CSMD1: variants seen among roughly 807,000 people sequenced by gnomAD.
The protein encoded by CSMD1 is CUB and sushi domain-containing protein 1.
CSMD1 carries 213 observed loss-of-function variants against 417.5 expected under a neutral mutation model. The observed-to-expected ratio is 0.51, with a 90% CI of 0.46 to 0.57. CSMD1 has a LOEUF of 0.57. Among genes scored for constraint, CSMD1 ranks in the 20% least tolerant of loss-of-function variants. The pLI, the probability that CSMD1 is intolerant of heterozygous loss-of-function variation, is 0.00. For missense variants in CSMD1, 6,923 were observed against 4,529.7 expected, an observed-to-expected ratio of 1.53 and a Z score of -15.17; for synonymous variants, 2,862 against 1,736.8, an observed-to-expected ratio of 1.65 and a Z score of -16.11.
intron 3 of CSMD1, among the ~76,000 whole-genome samples, chr8:4,114,565 G>GCGTGT (rs1554454288): frequency 6.6e-6 from 1 of 152,082 alleles, no homozygotes; most frequent in East Asian, 1.9e-4. Flanking sequence ...CTTAATAAAT[G>GCGTGT]CATAAGTCTA....
chr8:2,961,712 G>A (rs765495183), intron 61 of CSMD1, among the ~76,000 whole-genome samples: 122 of 152,264 alleles, frequency 8.0e-4, no homozygotes, highest in African/African-American at 2.7e-3. Context: ...AAAAAACACA[G>A]GACTTGGGTA....
intron 49 of CSMD1, among the ~76,000 whole-genome samples, chr8:3,074,017 G>C (rs1044819838): frequency 4.6e-5 from 7 of 152,212 alleles, no homozygotes; most frequent in African/African-American, 1.7e-4. Flanking sequence ...TACGGGCGTG[G>C]CCTCACCCTG....
In CSMD1 at chr8:3,902,537, G is replaced by A. The variant is rs80346665; in HGVS notation, c.818+95366C>T. Among the ~76,000 whole-genome samples, 1,075 of 152,120 alleles carry A rather than the reference G, an allele frequency of 7.1e-3. 15 individuals are homozygous for A. The highest frequency in any genetic ancestry group is 0.025 in the African/African-American group (1,024 of 41,486). On this transcript the variant is annotated intron_variant, in intron 5 of 69. Coordinates refer to ENST00000635120, the MANE Select transcript of CSMD1 (RefSeq NM_033225.6). ...ATCATCAGCCATTAGATTCTCACAAGGAGCTCACAACCTACATCCATTGCA... is the reference window on the plus strand; with the variant it reads ...ATCATCAGCCATTAGATTCTCACAAAGAGCTCACAACCTACATCCATTGCA...
chr8:4,675,634 G>A (rs902121064), intron 1 of CSMD1, among the ~76,000 whole-genome samples: 1 of 152,112 alleles, frequency 6.6e-6, no homozygotes, highest in Admixed American at 6.5e-5. Context: ...CATAAAAAAA[G>A]TAAGCAGGAT....
At chr8:3,072,350 G>A (rs534449125) in intron 49 of CSMD1, among the ~76,000 whole-genome samples, 1 of 152,166 alleles carries the variant, frequency 6.6e-6, no homozygotes, top group Non-Finnish European at 1.5e-5. Context: ...AATCAACAAT[G>A]AAGATTTTAA....
At chr8:3,062,959 A>G (rs1020874411) in intron 49 of CSMD1, among the ~76,000 whole-genome samples, 3 of 152,216 alleles carry the variant, frequency 2.0e-5, no homozygotes, top group African/African-American at 4.8e-5. Flanking sequence ...TTTATTCAAT[A>G]AAAAGAAAAT....
At position 3,776,957 on chromosome 8, in the gene CSMD1, T is replaced by G. The variant is rs113942887; in HGVS notation, c.819-22915A>C. On this transcript the variant is annotated intron_variant, in intron 5 of 69. Transcript: ENST00000635120. ...CTCAACTCTTGATCTCAAGTGATTCTCCTACCTGGGCCTCCCATAGTGCTG... is the reference window on the plus strand; with the variant it reads ...CTCAACTCTTGATCTCAAGTGATTCGCCTACCTGGGCCTCCCATAGTGCTG... Among the ~76,000 whole-genome samples, 477 of 151,954 alleles carry G rather than the reference T, an allele frequency of 3.1e-3. 7 individuals carry two copies. Among genetic ancestry groups the G allele is most frequent in the African/African-American group, 0.011 (462 of 41,420 alleles).
chr8:3,911,532 T>TAA (rs1012148560), intron 5 of CSMD1, among the ~76,000 whole-genome samples: 1,231 of 114,188 alleles, frequency 0.011, 19 homozygotes, highest in African/African-American at 0.029. Context: ...CGTCTCAAAA[T>TAA]AAAAAAAAAA....
chr8:3,805,169 C>G (rs1173711418), intron 5 of CSMD1, among the ~76,000 whole-genome samples: 2 of 152,088 alleles, frequency 1.3e-5, no homozygotes, highest in African/African-American at 2.4e-5. Context: ...TTCAAAGAGA[C>G]CACAATATTC....
chr8:2,999,989 G>A lies in CSMD1; in HGVS notation c.8172C>T (p.His2724=), dbSNP rs1563222046. ...GTSVRICLQD[H]KWSGQTPVCV... ...AGACAGGCGTTTGTCCAGACCACTT[G>A]TGGTCTTGCAGGCATATCCTCACGG... Residue 2724 remains histidine (H), a synonymous_variant, in exon 53 of 70, where the codon CAC becomes CAT. Coordinates refer to ENST00000635120, the MANE Select transcript of CSMD1 (RefSeq NM_033225.6). 6.2e-7 allele frequency: 1 copy of A among 1,609,596 alleles called. No homozygotes were observed. The highest frequency in any genetic ancestry group is 2.2e-5 in the East Asian group (1 of 44,638).
chr8:4,940,930 A>G (rs907257153), intron 1 of CSMD1, among the ~76,000 whole-genome samples: 2 of 152,208 alleles, frequency 1.3e-5, no homozygotes, highest in Admixed American at 6.5e-5. Context: ...TGTTTGGGCA[A>G]TATTTCTTTA....
chr8:3,890,542 C>T (rs933716823), intron 5 of CSMD1, among the ~76,000 whole-genome samples: 1 of 152,016 alleles, frequency 6.6e-6, no homozygotes, highest in African/African-American at 2.4e-5. Context: ...ATAACTCTAT[C>T]TCTCAAAGGA....
rs75927586 is a variant in CSMD1, at chr8:3,112,301, G to C, written c.6431-1966C>G. On this transcript the variant is annotated intron_variant, in intron 42 of 69. Transcript: ENST00000635120. ...GACTCCGTGCTAGTAATTTAGTGTG[G>C]ACTTACAATGCTAAGGTTTCCCTTT... is the stretch of plus-strand genomic sequence containing the variant. Among the ~76,000 whole-genome samples the C allele has an allele frequency of 5.4e-3, 827 of 152,256 alleles. 7 individuals carry two copies. The highest frequency in any genetic ancestry group is 0.019 in the African/African-American group (799 of 41,544).
intron 1 of CSMD1, among the ~76,000 whole-genome samples, chr8:4,858,055 G>A (rs990580717): frequency 6.6e-6 from 1 of 152,078 alleles, no homozygotes; most frequent in Non-Finnish European, 1.5e-5. Flanking sequence ...ACATCAAAAA[G>A]CTTATCCACC....
chr8:2,994,301 G>A (rs972532365), intron 54 of CSMD1, among the ~76,000 whole-genome samples: 8 of 152,044 alleles, frequency 5.3e-5, no homozygotes, highest in Admixed American at 2.0e-4. Flanking sequence ...GTCATTCTAC[G>A]AGACATACAA....
chr8:4,546,251 C>G (rs1797626978), intron 2 of CSMD1, among the ~76,000 whole-genome samples: 1 of 152,224 alleles, frequency 6.6e-6, no homozygotes. Flanking sequence ...ACTTCTTTCC[C>G]TCTGGAGGGT....
At chr8:4,696,386 A>G (rs909847278) in intron 1 of CSMD1, among the ~76,000 whole-genome samples, 2 of 152,330 alleles carry the variant, frequency 1.3e-5, no homozygotes, top group African/African-American at 4.8e-5. Flanking sequence ...TATAGTATGA[A>G]GAATTTTAAC....
chr8:3,146,550 T>C (rs1818855588), intron 40 of CSMD1, among the ~76,000 whole-genome samples: 1 of 152,186 alleles, frequency 6.6e-6, no homozygotes, highest in Non-Finnish European at 1.5e-5. Flanking sequence ...TTGGTAGGAC[T>C]AAGATTTCTA....
chr8:3,764,716 C>T (rs1306232250), intron 5 of CSMD1, among the ~76,000 whole-genome samples: 1 of 149,970 alleles, frequency 6.7e-6, no homozygotes, highest in Non-Finnish European at 1.5e-5. Context: ...GAAGCTAAAT[C>T]ACAGCACTGC....
Sources: gnomAD v4.1 joint callset for allele counts (sites outside exome capture counted in the v4.1 genomes callset) on GRCh38, gnomAD v4.1.1 for gene constraint, MANE v1.5 for transcripts, NCBI Gene and HGNC (gene_info 2026-07-23, HGNC 2026-07-21) for gene names.